KATNIP: variants seen among roughly 807,000 people sequenced by gnomAD.
KATNIP encodes the protein katanin-interacting protein.
KATNIP carries 126 observed loss-of-function variants against 174.0 expected under a neutral mutation model. The ratio of observed to expected loss-of-function variants is 0.72; its 90% CI spans 0.63 to 0.84. The LOEUF (loss-of-function observed/expected upper bound fraction) is 0.84, where lower values mean the gene tolerates loss of function less well. Ranked by LOEUF, KATNIP falls within the 40% of genes least tolerant of loss-of-function variation. The pLI is 0.00. For missense variants in KATNIP, 1,958 were observed against 2,109.7 expected, an observed-to-expected ratio of 0.93 and a Z score of 1.41; for synonymous variants, 810 against 835.7, an observed-to-expected ratio of 0.97 and a Z score of 0.53.
At chr16:27,709,483 G>T (rs1039150652) in intron 13 of KATNIP, among the ~76,000 whole-genome samples, 1 of 152,016 alleles carries the variant, frequency 6.6e-6, no homozygotes, top group Non-Finnish European at 1.5e-5. Flanking sequence ...TTAGCCAGGC[G>T]TGGTGGCACA....
chr16:27,699,683 C>G (rs894119366), intron 10 of KATNIP, 84 bp downstream of exon 10: 26 of 1,586,450 alleles, frequency 1.6e-5, no homozygotes, highest in Non-Finnish European at 2.6e-6. Context: ...AATGACAAAG[C>G]CCTATGCATG....
At chr16:27,654,152 T>G (rs2077197555) in intron 6 of KATNIP, among the ~76,000 whole-genome samples, 1 of 151,992 alleles carries the variant, frequency 6.6e-6, no homozygotes. Context: ...ATTTTTGAAT[T>G]TTTAGTAGAG....
chr16:27,677,627 AG>A, intron 6 of KATNIP, 101 bp from the exon 7 acceptor site: 1 of 1,188,972 alleles, frequency 8.4e-7, no homozygotes, highest in East Asian at 2.5e-5. Context: ...GTTAAATGTT[AG>A]TTTGGGGAGA....
intron 10 of KATNIP, among the ~76,000 whole-genome samples, chr16:27,700,417 G>A (rs1226694964): frequency 1.3e-5 from 2 of 152,146 alleles, no homozygotes; most frequent in African/African-American, 4.8e-5. Context: ...GAATGCAGAG[G>A]CAGCTGAGAC....
chr16:27,713,816 A>ATGTGTGTGTGTGTGTG (rs1567336870), intron 13 of KATNIP, among the ~76,000 whole-genome samples: 2 of 28,024 alleles, frequency 7.1e-5, no homozygotes, highest in African/African-American at 4.7e-4. Context: ...ATACATATAT[A>ATGTGTGTGTGTGTGTG]TATATATATA....
At chr16:27,634,666 G>A (rs2076583233) in intron 5 of KATNIP, among the ~76,000 whole-genome samples, 1 of 152,196 alleles carries the variant, frequency 6.6e-6, no homozygotes, top group Non-Finnish European at 1.5e-5. Context: ...CATGCCCTGT[G>A]CTTAGCACTG....
intron 3 of KATNIP, among the ~76,000 whole-genome samples, chr16:27,622,255 A>C (rs1461006894): frequency 6.6e-6 from 1 of 152,120 alleles, no homozygotes; most frequent in East Asian, 1.9e-4. Context: ...GCGCAAGGCC[A>C]CCTATAACTA....
At chr16:27,594,415 C>G (rs369338366) in intron 2 of KATNIP, among the ~76,000 whole-genome samples, 1 of 151,976 alleles carries the variant, frequency 6.6e-6, no homozygotes, top group Admixed American at 6.6e-5. Context: ...GCTAGAGAGC[C>G]CAGGGACCCA....
At chr16:27,655,353 C>T (rs2077246222) in intron 6 of KATNIP, among the ~76,000 whole-genome samples, 1 of 150,810 alleles carries the variant, frequency 6.6e-6, no homozygotes. Flanking sequence ...CCCACCTCAG[C>T]CTCCCAAGTA....
At chr16:27,558,156 T>C (rs1428782550) in intron 1 of KATNIP, among the ~76,000 whole-genome samples, 2 of 152,212 alleles carry the variant, frequency 1.3e-5, no homozygotes, top group Admixed American at 6.5e-5. Flanking sequence ...TGTTTGTTTT[T>C]TTGTTTTTAG....
chr16:27,594,636 A>G (rs1041260116), intron 2 of KATNIP, among the ~76,000 whole-genome samples: 1 of 151,952 alleles, frequency 6.6e-6, no homozygotes, highest in African/African-American at 2.4e-5. Context: ...TTGTTTTTGT[A>G]GAGACAGGGT....
chr16:27,561,740 CTAT>C, intron 1 of KATNIP, among the ~76,000 whole-genome samples: 1 of 152,294 alleles, frequency 6.6e-6, no homozygotes, highest in Middle Eastern at 3.4e-3. Flanking sequence ...GAGTCCCAAA[CTAT>C]TTAGAAACAT....
At chr16:27,627,405 G>A (rs2076366035) in intron 3 of KATNIP, among the ~76,000 whole-genome samples, 1 of 152,206 alleles carries the variant, frequency 6.6e-6, no homozygotes. Flanking sequence ...GCTTTGTTCA[G>A]GCATGAGTGA....
At chr16:27,722,626 G>C (rs976476268) in intron 14 of KATNIP, among the ~76,000 whole-genome samples, 14 of 152,212 alleles carry the variant, frequency 9.2e-5, no homozygotes, top group African/African-American at 3.4e-4. Flanking sequence ...TAAGGGAAGC[G>C]ATCGTTCAAG....
intron 20 of KATNIP, among the ~76,000 whole-genome samples, chr16:27,767,511 G>A (rs2082164768): frequency 6.6e-6 from 1 of 152,162 alleles, no homozygotes; most frequent in African/African-American, 2.4e-5. Context: ...CTTGAGCCCA[G>A]GAGTTCTAGA....
Position 27,605,609 on chromosome 16 carries a change from C to T in KATNIP, c.64-12816C>T, listed in dbSNP as rs2075676440. Among the ~76,000 whole-genome samples the T allele has an allele frequency of 3.9e-5, 6 of 152,216 alleles. No homozygotes were observed. The South Asian group carries it at 1.2e-3, about 32-fold the overall frequency. ...TCCCTTTGATTATCCATCTGGCATG[C>T]GCGTAGGATGTAATATTTTGTTAGG... On this transcript the variant is annotated intron_variant, in intron 2 of 27. Coordinates refer to ENST00000261588, the MANE Select transcript of KATNIP (RefSeq NM_015202.5).
intron 13 of KATNIP, among the ~76,000 whole-genome samples, chr16:27,709,889 G>T (rs1298131025): frequency 2.0e-5 from 3 of 152,160 alleles, no homozygotes; most frequent in Non-Finnish European, 4.4e-5. Flanking sequence ...TGTAGTTGAA[G>T]AAACTACAGC....
chr16:27,730,968 G>A (rs2080654638), intron 14 of KATNIP, among the ~76,000 whole-genome samples: 1 of 152,122 alleles, frequency 6.6e-6, no homozygotes, highest in African/African-American at 2.4e-5. Context: ...TGCTTCCTCT[G>A]GACTTGAGAG....
At chr16:27,693,402 T>C (rs1266999896) in intron 8 of KATNIP, among the ~76,000 whole-genome samples, 1 of 152,170 alleles carries the variant, frequency 6.6e-6, no homozygotes, top group East Asian at 1.9e-4. Flanking sequence ...CTTTTCTTTT[T>C]TTTTGAGATG....
Sources: gnomAD v4.1 joint callset for allele counts (sites outside exome capture counted in the v4.1 genomes callset) on GRCh38, gnomAD v4.1.1 for gene constraint, MANE v1.5 for transcripts, NCBI Gene and HGNC (gene_info 2026-07-23, HGNC 2026-07-21) for gene names.